ANK3: variants seen among roughly 807,000 people sequenced by gnomAD.
ANK3 encodes the protein ankyrin 3, also known as ankyrin-3.
A neutral mutation model predicts 370.9 loss-of-function variants in ANK3; 57 were observed. That is an observed-to-expected ratio of 0.15 (90% confidence interval 0.12 to 0.19). The LOEUF is 0.19. ANK3 is among the 10% of genes least tolerant of loss of function. ANK3 has a pLI of 1.00. For missense variants in ANK3, 4,439 were observed against 5,302.1 expected, an observed-to-expected ratio of 0.84 and a Z score of 5.06; for synonymous variants, 1,929 against 1,946.3, an observed-to-expected ratio of 0.99 and a Z score of 0.23.
rs201523975 is a variant in ANK3 at position 60,117,236 on chromosome 10, AG to A, written c.2842-2906del. Among the ~76,000 whole-genome samples the A allele has an allele frequency of 9.3e-4, 142 of 152,336 alleles. No individual in the cohort carries two copies. In the East Asian group the frequency reaches 0.025, roughly 27 times the overall value. On this transcript the variant is annotated intron_variant, in intron 25 of 43. Coordinates refer to ENST00000280772, the MANE Select transcript of ANK3 (RefSeq NM_020987.5). ...GTGAAGGACTGACCCAAGAAAAGGG[AG>A]GGCATGGACTCCAACACAAGAGAAA...
At chr10:60,360,223 G>A (rs1310306375) in intron 1 of ANK3, among the ~76,000 whole-genome samples, 1 of 152,176 alleles carries the variant, frequency 6.6e-6, no homozygotes, top group African/African-American at 2.4e-5. Context: ...TTATTTGCCT[G>A]TTTTGACCAA....
In ANK3 at chr10:60,031,172, C is replaced by T. The variant is rs142951625; in HGVS notation, c.*20-1346G>A. ...GAAGAAAAGCGTCATTACTTCATTA[C>T]AATGAAATTTCTTTTCCATAACCAA... On this transcript the variant is annotated intron_variant, in intron 43 of 43. Coordinates refer to ENST00000280772, the MANE Select transcript of ANK3 (RefSeq NM_020987.5). Among the ~76,000 whole-genome samples the T allele has an allele frequency of 3.8e-3, 584 of 152,314 alleles. 4 individuals carry two copies. Among genetic ancestry groups the T allele is most frequent in the African/African-American group, 0.013 (550 of 41,572 alleles).
chr10:60,083,721 C>T (rs891711303), intron 32 of ANK3, 104 bp from the exon 33 acceptor site: 9 of 981,588 alleles, frequency 9.2e-6, no homozygotes, highest in African/African-American at 6.7e-5. Flanking sequence ...CTATGTTACA[C>T]GTGTCTCTAT....
chr10:60,059,965 A>G (rs1289569705), intron 40 of ANK3: 1 of 1,610,364 alleles, frequency 6.2e-7, no homozygotes, highest in Non-Finnish European at 8.5e-7. Flanking sequence ...GTGTAGTGCA[A>G]CCCTGTGGGG....
chr10:60,473,146 A>G (rs2065258612), intron 2 of ANK3, among the ~76,000 whole-genome samples: 2 of 152,206 alleles, frequency 1.3e-5, no homozygotes, highest in South Asian at 2.1e-4. Context: ...CATGATTCCA[A>G]TTTCGTAATA....
At chr10:60,375,987 T>A (rs567979066) in intron 1 of ANK3, among the ~76,000 whole-genome samples, 2 of 152,314 alleles carry the variant, frequency 1.3e-5, no homozygotes, top group Admixed American at 1.3e-4. Context: ...CACTTCATGT[T>A]CAATTTAATT....
chr10:60,478,334 A>C (rs2075125311), intron 2 of ANK3, among the ~76,000 whole-genome samples: 1 of 152,122 alleles, frequency 6.6e-6, no homozygotes, highest in African/African-American at 2.4e-5. Flanking sequence ...ATTTTTCTGC[A>C]ATGCTAAAAA....
intron 9 of ANK3, among the ~76,000 whole-genome samples, chr10:60,209,473 C>T (rs939054282): frequency 2.6e-5 from 4 of 152,070 alleles, no homozygotes; most frequent in Admixed American, 6.6e-5. Flanking sequence ...ATTTGTGTTC[C>T]GTGAAGGCAA....
chr10:60,489,444 T>C (rs1296563919), intron 2 of ANK3, among the ~76,000 whole-genome samples: 1 of 152,214 alleles, frequency 6.6e-6, no homozygotes, highest in Non-Finnish European at 1.5e-5. Context: ...AATAACTCAC[T>C]CATTTTAGAA....
Position 60,138,752 on chromosome 10 carries a change from C to A in ANK3, c.2738+212G>T, listed in dbSNP as rs1368860824. On this transcript the variant is annotated intron_variant, in intron 24 of 43. Transcript: ENST00000280772. ...AAGTGGGAAAAAAAAAAAGAACACA[C>A]AATTAACATGTTCAATCACATGAAA... 8.0e-6 allele frequency: 5 copies of A among 626,872 alleles called. No homozygotes were observed. In the East Asian group the frequency reaches 1.5e-4, roughly 18 times the overall value. The allele number at this position is 626,872 out of a possible 1,614,324, so 38.8% of individuals were successfully genotyped here. A position where few individuals can be genotyped will look rare whatever the true frequency, so the allele number is the denominator to read the frequency against.
intron 1 of ANK3, among the ~76,000 whole-genome samples, chr10:60,288,141 A>G (rs1157074891): frequency 2.0e-5 from 3 of 152,112 alleles, no homozygotes; most frequent in East Asian, 3.9e-4. Flanking sequence ...GACATTAGTA[A>G]TAACAGTAAT....
In ANK3 at chr10:60,059,353, G is replaced by A; in HGVS notation, c.12673C>T (p.Arg4225Ter). Residue 4225 changes from arginine to a stop codon, truncating the protein, a stop_gained, in exon 41 of 44, where the codon CGA (arginine) becomes TGA (stop). Coordinates refer to ENST00000280772, the MANE Select transcript of ANK3 (RefSeq NM_020987.5). LOFTEE classifies it high-confidence loss of function. ...ARRVTGGLLD[R>*]LDDSPDQCRD... ...AAACAGCCATACCTGTCATCCAGTC[G>A]ATCTAGTAACCCACCAGTTACTCTT... The A allele has an allele frequency of 6.2e-7, 1 of 1,613,788 alleles. No homozygotes were observed. The highest frequency in any genetic ancestry group is 8.5e-7 in the Non-Finnish European group (1 of 1,179,816).
chr10:60,556,342 G>A (rs2077206712), intron 2 of ANK3, among the ~76,000 whole-genome samples: 2 of 151,980 alleles, frequency 1.3e-5, no homozygotes, highest in Non-Finnish European at 2.9e-5. Context: ...TATGCCCTCT[G>A]TTCTGGAACA....
At chr10:60,170,201 A>T (rs147075510) in intron 21 of ANK3, among the ~76,000 whole-genome samples, 1 of 152,218 alleles carries the variant, frequency 6.6e-6, no homozygotes, top group East Asian at 1.9e-4. Context: ...TTTGATTGTA[A>T]TCTAATTAAC....
chr10:60,269,354 T>G (rs1182514057), intron 5 of ANK3, among the ~76,000 whole-genome samples: 1 of 152,124 alleles, frequency 6.6e-6, no homozygotes, highest in East Asian at 1.9e-4. Flanking sequence ...TAAAAATGTG[T>G]AATAGTTTTG....
intron 2 of ANK3, among the ~76,000 whole-genome samples, chr10:60,477,417 A>G (rs1358412420): frequency 6.6e-6 from 1 of 151,914 alleles, no homozygotes; most frequent in Non-Finnish European, 1.5e-5. Context: ...ATTTTTCTGT[A>G]CTCTTGAATT....
intron 42 of ANK3, among the ~76,000 whole-genome samples, chr10:60,048,774 C>G (rs1047283339): frequency 1.3e-5 from 2 of 152,200 alleles, no homozygotes; most frequent in African/African-American, 4.8e-5. Flanking sequence ...AAGCACTTCA[C>G]TAGAGGGCTA....
intron 7 of ANK3, among the ~76,000 whole-genome samples, chr10:60,243,597 A>T (rs547905736): frequency 1.5e-3 from 231 of 152,252 alleles, no homozygotes; most frequent in African/African-American, 5.3e-3. Flanking sequence ...AAAATGGACT[A>T]AGACAATAGA....
intron 38 of ANK3, 69 bp from the exon 39 acceptor site, chr10:60,064,357 G>T: frequency 2.1e-6 from 3 of 1,434,550 alleles, no homozygotes; most frequent in Non-Finnish European, 2.8e-6. Flanking sequence ...TAAAAGTAAT[G>T]CTCAATTGCC....
Sources: allele counts gnomAD v4.1 joint callset (sites outside exome capture counted in the v4.1 genomes callset), GRCh38; gene constraint gnomAD v4.1.1; transcripts MANE v1.5; gene names NCBI Gene and HGNC (gene_info 2026-07-23, HGNC 2026-07-21).